Variants in PDE1A observed in about 807,000 individuals in gnomAD.
The protein encoded by PDE1A is phosphodiesterase 1A.
PDE1A carries 35 observed loss-of-function variants against 61.7 expected under a neutral mutation model. The ratio of observed to expected loss-of-function variants is 0.57; its 90% confidence interval spans 0.43 to 0.75. The LOEUF (loss-of-function observed/expected upper bound fraction) is 0.75, where lower values mean the gene tolerates loss of function less well. Ranked by LOEUF, PDE1A falls within the 30% of genes least tolerant of loss-of-function variation. The pLI, the probability that PDE1A is intolerant of heterozygous loss-of-function variation, is 0.00. For missense variants in PDE1A, 597 were observed against 630.6 expected, an observed-to-expected ratio of 0.95 and a Z score of 0.57; for synonymous variants, 232 against 213.2, an observed-to-expected ratio of 1.09 and a Z score of -0.77.
At chr2:182,464,041 C>A (rs953793505) in intron 2 of PDE1A, among the ~76,000 whole-genome samples, 1 of 152,100 alleles carries the variant, frequency 6.6e-6, no homozygotes, top group Admixed American at 6.5e-5. Flanking sequence ...GTATTCAGAG[C>A]CACAGTGATG....
At chr2:182,434,210 A>T (rs1158140654) in intron 2 of PDE1A, among the ~76,000 whole-genome samples, 3 of 152,116 alleles carry the variant, frequency 2.0e-5, no homozygotes, top group Non-Finnish European at 4.4e-5. Flanking sequence ...ATGTGACTGT[A>T]AGACCCTAAA....
intron 2 of PDE1A, among the ~76,000 whole-genome samples, chr2:182,519,139 G>A (rs1489754608): frequency 2.0e-5 from 3 of 152,004 alleles, no homozygotes; most frequent in African/African-American, 7.2e-5. Flanking sequence ...CAATAGCTAT[G>A]TTTTCTTAGT....
the PDE1A span, among the ~76,000 whole-genome samples, chr2:182,704,940 T>C: frequency 6.6e-6 from 1 of 152,244 alleles, no homozygotes; most frequent in Non-Finnish European, 1.5e-5. Context: ...CTGGATTAGA[T>C]ATATACACGT....
At chr2:182,185,948 T>C in exon 13 of PDE1A, 1 of 1,614,096 alleles carries the variant, frequency 6.2e-7, no homozygotes. Flanking sequence ...GTCCACCAGG[T>C]TGTTCTTGAA....
At chr2:182,526,605 T>A (rs963352143), upstream of PDE1A, among the ~76,000 whole-genome samples, 1 of 152,200 alleles carries the variant, frequency 6.6e-6, no homozygotes. Context: ...TTTGATAGAT[T>A]TTAACAATGG....
the PDE1A span, among the ~76,000 whole-genome samples, chr2:182,628,382 C>A: frequency 6.6e-6 from 1 of 152,050 alleles, no homozygotes; most frequent in Non-Finnish European, 1.5e-5. Flanking sequence ...TGGCATATAC[C>A]TCATAATTAA....
chr2:182,357,384 A>G (rs1441015087), intron 1 of PDE1A, among the ~76,000 whole-genome samples: 1 of 152,172 alleles, frequency 6.6e-6, no homozygotes, highest in Non-Finnish European at 1.5e-5. Context: ...AATATTTTCA[A>G]CCATCTCTGA....
the PDE1A span, among the ~76,000 whole-genome samples, chr2:182,677,089 AG>A: frequency 6.6e-6 from 1 of 152,164 alleles, no homozygotes; most frequent in African/African-American, 2.4e-5. Flanking sequence ...AAAGAAATAA[AG>A]GGTACCCAAA....
intron 1 of PDE1A, among the ~76,000 whole-genome samples, chr2:182,383,366 G>A (rs1169759442): frequency 6.6e-6 from 1 of 151,996 alleles, no homozygotes; most frequent in East Asian, 1.9e-4. Flanking sequence ...TGAGCCATTA[G>A]TTAACTGATC....
chr2:182,364,490 A>AAAAAAAAAAAAAAAAC (rs1559379251), intron 1 of PDE1A, among the ~76,000 whole-genome samples: 1 of 144,082 alleles, frequency 6.9e-6, no homozygotes, highest in East Asian at 2.3e-4. Context: ...AAAAAAAAAA[A>AAAAAAAAAAAAAAAAC]AAAAAAAAAC....
chr2:182,418,379 T>G (rs1314188357), intron 1 of PDE1A, among the ~76,000 whole-genome samples: 3 of 152,170 alleles, frequency 2.0e-5, no homozygotes, highest in Non-Finnish European at 4.4e-5. Flanking sequence ...TTTTTAAAAC[T>G]TCTTAAACCA....
chr2:182,184,045 AG>A (rs1288327827), intron 13 of PDE1A, among the ~76,000 whole-genome samples: 1 of 134,298 alleles, frequency 7.4e-6, no homozygotes, highest in African/African-American at 2.7e-5. Flanking sequence ...AAAGAAAGAA[AG>A]AAAGAAAGAA....
At chr2:182,300,142 C>G (rs1389401759) in intron 1 of PDE1A, among the ~76,000 whole-genome samples, 1 of 152,196 alleles carries the variant, frequency 6.6e-6, no homozygotes, top group African/African-American at 2.4e-5. Context: ...AACATGGCCT[C>G]TTCAGATTTT....
chr2:182,247,914 T>C (rs1691097009), intron 2 of PDE1A, among the ~76,000 whole-genome samples: 2 of 151,814 alleles, frequency 1.3e-5, no homozygotes, highest in Admixed American at 6.5e-5. Flanking sequence ...TTGCTCTTTA[T>C]TCTAATGTTA....
chr2:182,381,026 G>A (rs1428625957), intron 1 of PDE1A, among the ~76,000 whole-genome samples: 1 of 152,178 alleles, frequency 6.6e-6, no homozygotes, highest in East Asian at 1.9e-4. Flanking sequence ...TTGTATTTGA[G>A]CCAAAGCAGT....
At chr2:182,145,505 A>T (rs1326814165), downstream of PDE1A, among the ~76,000 whole-genome samples, 2 of 152,146 alleles carry the variant, frequency 1.3e-5, no homozygotes, top group African/African-American at 2.4e-5. Context: ...AGGCAGACGG[A>T]TTGCCTGAGC....
At chr2:182,449,241 A>C (rs1273061475) in intron 2 of PDE1A, among the ~76,000 whole-genome samples, 4 of 151,856 alleles carry the variant, frequency 2.6e-5, no homozygotes, top group Non-Finnish European at 5.9e-5. Flanking sequence ...AAATATACCA[A>C]AAAAAAGAAA....
At chr2:182,148,418 T>C (rs1028542374) in intron 13 of PDE1A, among the ~76,000 whole-genome samples, 1 of 152,206 alleles carries the variant, frequency 6.6e-6, no homozygotes, top group African/African-American at 2.4e-5. Flanking sequence ...TTGCACTCAC[T>C]AGACCTGGCA....
chr2:182,656,399 A>C, the PDE1A span, among the ~76,000 whole-genome samples: 43 of 152,228 alleles, frequency 2.8e-4, no homozygotes, highest in Non-Finnish European at 3.4e-4. Context: ...TTTAGCTATA[A>C]TGCACATTCT....
Sources: gnomAD v4.1 joint callset for allele counts (sites outside exome capture counted in the v4.1 genomes callset) on GRCh38, gnomAD v4.1.1 for gene constraint, MANE v1.5 for transcripts, NCBI Gene and HGNC (gene_info 2026-07-23, HGNC 2026-07-21) for gene names.